CTNND2: variants seen among roughly 807,000 people sequenced by gnomAD.
CTNND2 encodes catenin delta 2, also known as catenin delta-2.
Under a neutral mutation model 144.4 loss-of-function variants are expected in CTNND2, and 22 were observed. That is an observed-to-expected ratio of 0.15 (90% CI 0.11 to 0.22). The LOEUF is 0.22. CTNND2 is among the 10% of genes least tolerant of loss of function. The pLI is 1.00. For missense variants in CTNND2, 1,353 were observed against 1,618.8 expected (o/e 0.84, Z 2.82); for synonymous variants, 751 against 695.6 (o/e 1.08, Z -1.25).
intron 3 of CTNND2, among the ~76,000 whole-genome samples, chr5:11,554,087 A>T (rs543881232): frequency 1.3e-5 from 2 of 152,312 alleles, no homozygotes; most frequent in South Asian, 4.1e-4. Flanking sequence ...GAACTATTAT[A>T]CGCTTAATAT....
At chr5:11,751,536 C>A (rs988250621) in intron 1 of CTNND2, among the ~76,000 whole-genome samples, 2 of 151,868 alleles carry the variant, frequency 1.3e-5, no homozygotes, top group Non-Finnish European at 2.9e-5. Context: ...CCTCCAGCTC[C>A]ATTCATGTTG....
intron 9 of CTNND2, among the ~76,000 whole-genome samples, chr5:11,314,102 T>C (rs2150057253): frequency 6.6e-6 from 1 of 152,242 alleles, no homozygotes; most frequent in Admixed American, 6.5e-5. Context: ...CACCAGCCCC[T>C]TTCTGGGACC....
intron 3 of CTNND2, among the ~76,000 whole-genome samples, chr5:11,439,020 A>G (rs1666241490): frequency 6.6e-6 from 1 of 152,146 alleles, no homozygotes; most frequent in South Asian, 2.1e-4. Flanking sequence ...AAACTACACT[A>G]GTACCACCGA....
intron 8 of CTNND2, among the ~76,000 whole-genome samples, chr5:11,362,303 A>G (rs568800695): frequency 6.6e-6 from 1 of 152,228 alleles, no homozygotes; most frequent in Non-Finnish European, 1.5e-5. Flanking sequence ...ATTTAATAAT[A>G]TTATATATGA....
At chr5:11,776,892 T>C (rs1790284633) in intron 1 of CTNND2, among the ~76,000 whole-genome samples, 1 of 152,326 alleles carries the variant, frequency 6.6e-6, no homozygotes, top group African/African-American at 2.4e-5. Flanking sequence ...TCTTGAAAAG[T>C]AGGAAGCATC....
Position 11,282,030 on chromosome 5 carries a change from G to A in CTNND2, c.1629-45207C>T, listed in dbSNP as rs990010131. Among the ~76,000 whole-genome samples the A allele has an allele frequency of 3.3e-5, 5 of 151,910 alleles. No homozygotes were observed. In the East Asian group the frequency reaches 7.8e-4, roughly 24 times the overall value. On this transcript the variant is annotated intron_variant, in intron 9 of 21. Coordinates refer to ENST00000304623, the MANE Select transcript of CTNND2 (RefSeq NM_001332.4). ...AATTTGGGCAGGGCTCAGCAGGGAC[G>A]GCTTATCTCTGTTCCAGGCAGTATA...
chr5:11,743,219 C>T lies in CTNND2; in HGVS notation c.38-10947G>A, dbSNP rs150764337. Among the ~76,000 whole-genome samples, 661 of 152,086 alleles carry T rather than the reference C, an allele frequency of 4.3e-3. 5 individuals carry two copies. Among genetic ancestry groups the T allele is most frequent in the African/African-American group, 0.015 (636 of 41,460 alleles). ...AATATTTGTTGAGCTAATATATGAA[C>T]GATTAGAGTAAAATCAATAATAATT... On this transcript the variant is annotated intron_variant, in intron 1 of 21. Transcript: ENST00000304623.
chr5:11,848,932 A>G (rs1030746841), intron 1 of CTNND2, among the ~76,000 whole-genome samples: 25 of 152,286 alleles, frequency 1.6e-4, no homozygotes, highest in African/African-American at 5.8e-4. Flanking sequence ...ACTAGCATAT[A>G]AACTTGGAGC....
intron 3 of CTNND2, among the ~76,000 whole-genome samples, chr5:11,455,858 G>T (rs1429045185): frequency 1.3e-5 from 2 of 152,116 alleles, no homozygotes; most frequent in Non-Finnish European, 2.9e-5. Flanking sequence ...AACCAAGAAT[G>T]CTTGCTCAGG....
chr5:11,147,704 A>G (rs1331797244), intron 12 of CTNND2, among the ~76,000 whole-genome samples: 2 of 131,138 alleles, frequency 1.5e-5, no homozygotes, highest in East Asian at 4.9e-4. Context: ...GACAACATGA[A>G]ACGAAGGTAA....
chr5:11,636,256 A>G (rs2126486312), intron 2 of CTNND2, among the ~76,000 whole-genome samples: 1 of 152,284 alleles, frequency 6.6e-6, no homozygotes, highest in South Asian at 2.1e-4. Context: ...ACTATTGCCA[A>G]TCTCAAACCT....
intron 21 of CTNND2, among the ~76,000 whole-genome samples, chr5:10,980,058 T>C (rs1376227251): frequency 6.6e-6 from 1 of 152,116 alleles, no homozygotes; most frequent in Non-Finnish European, 1.5e-5. Flanking sequence ...ACAAATGGGA[T>C]CTAATTAAAT....
At chr5:11,164,030 C>T (rs1759052207) in intron 11 of CTNND2, among the ~76,000 whole-genome samples, 1 of 152,114 alleles carries the variant, frequency 6.6e-6, no homozygotes, top group Admixed American at 6.5e-5. Flanking sequence ...AGATGTGTTT[C>T]CTCATCTTGT....
intron 3 of CTNND2, among the ~76,000 whole-genome samples, chr5:11,456,902 T>G (rs1270525809): frequency 1.3e-5 from 2 of 152,174 alleles, no homozygotes; most frequent in African/African-American, 4.8e-5. Context: ...AACTCTGGTC[T>G]TCATATTCTG....
intron 3 of CTNND2, among the ~76,000 whole-genome samples, chr5:11,432,131 T>TA (rs1400996821): frequency 3.3e-5 from 5 of 150,752 alleles, no homozygotes; most frequent in Admixed American, 2.6e-4. Flanking sequence ...CTTTTTTTTT[T>TA]TTTTTTTTTT....
intron 1 of CTNND2, among the ~76,000 whole-genome samples, chr5:11,861,094 G>T (rs918279172): frequency 6.6e-6 from 1 of 152,092 alleles, no homozygotes; most frequent in Non-Finnish European, 1.5e-5. Flanking sequence ...CCACATACAT[G>T]TTCTGACATA....
chr5:10,984,195 T>C (rs1737649701), intron 20 of CTNND2, among the ~76,000 whole-genome samples: 1 of 152,182 alleles, frequency 6.6e-6, no homozygotes, highest in African/African-American at 2.4e-5. Context: ...CAGAAGGCCC[T>C]TGAGAGAGAA....
intron 16 of CTNND2, among the ~76,000 whole-genome samples, chr5:11,033,699 G>A (rs1477635521): frequency 6.6e-6 from 1 of 152,008 alleles, no homozygotes; most frequent in African/African-American, 2.4e-5. Flanking sequence ...GTGCAGTGGC[G>A]GGAGCCTGTA....
chr5:11,468,155 A>T (rs1766843986), intron 3 of CTNND2, among the ~76,000 whole-genome samples: 1 of 152,222 alleles, frequency 6.6e-6, no homozygotes, highest in South Asian at 2.1e-4. Context: ...AAACTGTATT[A>T]GTGCAGAATT....
Sources: gnomAD v4.1 joint callset for allele counts (sites outside exome capture counted in the v4.1 genomes callset) on GRCh38, gnomAD v4.1.1 for gene constraint, MANE v1.5 for transcripts, NCBI Gene and HGNC (gene_info 2026-07-23, HGNC 2026-07-21) for gene names.